The following SH3PXD2A variants were observed in gnomAD, a reference collection of about 807,000 sequenced individuals.
SH3PXD2A encodes the protein SH3 and PX domain-containing protein 2A.
Under a neutral mutation model 115.2 loss-of-function variants are expected in SH3PXD2A, and 32 were observed. The observed-to-expected ratio is 0.28, with a 90% confidence interval of 0.21 to 0.37. The LOEUF (loss-of-function observed/expected upper bound fraction) is 0.37. SH3PXD2A is among the 10% of genes least tolerant of loss of function. The probability of loss-of-function intolerance (pLI) is 1.00; values close to 1 mark genes in which losing one functional copy is unlikely to be tolerated. For synonymous variants in SH3PXD2A, 610 were observed against 629.1 expected (o/e 0.97, Z 0.45); for missense variants, 1,328 against 1,498.7 (o/e 0.89, Z 1.88).
intron 4 of SH3PXD2A, among the ~76,000 whole-genome samples, chr10:103,725,264 G>C (rs2038226831): frequency 6.6e-6 from 1 of 152,214 alleles, no homozygotes; most frequent in Non-Finnish European, 1.5e-5. Context: ...GCCATAGGAG[G>C]TGGGCAGGGG....
intron 1 of SH3PXD2A, among the ~76,000 whole-genome samples, chr10:103,819,478 TG>T (rs2039356085): frequency 6.6e-6 from 1 of 151,634 alleles, no homozygotes; most frequent in Non-Finnish European, 1.5e-5. Flanking sequence ...CAGGGCCAGC[TG>T]GGGTGACTGG....
intron 3 of SH3PXD2A, among the ~76,000 whole-genome samples, chr10:103,749,312 C>G (rs1406312703): frequency 1.3e-5 from 2 of 152,194 alleles, no homozygotes; most frequent in Non-Finnish European, 2.9e-5. Context: ...TCTTGTCCAG[C>G]CTCCTCACCT....
chr10:103,660,210 C>G (rs569004459), intron 8 of SH3PXD2A, among the ~76,000 whole-genome samples: 4 of 152,280 alleles, frequency 2.6e-5, no homozygotes, highest in South Asian at 2.1e-4. Flanking sequence ...GTCCTGGGCT[C>G]GAGTCCCAGC....
Position 103,596,004 on chromosome 10 carries a change from C to A in SH3PXD2A, c.*5812G>T, listed in dbSNP as rs1201879890. ...AGACATGAGACTGCACCAAACAGGG[C>A]TGATGATTTAGCCAGAAACTCAGGA... is the stretch of plus-strand genomic sequence containing the variant. On this transcript the variant is annotated 3_prime_UTR_variant, in exon 15 of 15. Coordinates refer to ENST00000369774, the MANE Select transcript of SH3PXD2A (RefSeq NM_001394015.1). 2 of 152,516 alleles carry A rather than the reference C, an allele frequency of 1.3e-5. No homozygotes were observed. The highest frequency in any genetic ancestry group is 3.9e-4 in the East Asian group (2 of 5,190). 9.4% of individuals were successfully genotyped at this position (152,516 alleles called of 1,614,324 possible).
In SH3PXD2A at chr10:103,605,036, C is replaced by T. The variant is rs2036279285; in HGVS notation, c.1428+762G>A. Among the ~76,000 whole-genome samples, 3 of 152,262 alleles carry T rather than the reference C, an allele frequency of 2.0e-5. No homozygotes were observed. In the South Asian group the frequency reaches 6.2e-4, roughly 32 times the overall value. On this transcript the variant is annotated intron_variant, in intron 14 of 14. Transcript: ENST00000369774. The stretch of plus-strand genomic sequence containing the variant: ...GCCACTCAGAGAATTGACTAAGTTA[C>T]AGCTCTTCTCTGCTGCCGGGAATAC...
chr10:103,714,376 C>A (rs1302228502), intron 5 of SH3PXD2A, among the ~76,000 whole-genome samples: 1 of 152,214 alleles, frequency 6.6e-6, no homozygotes. Context: ...CCACCTTCCT[C>A]CCCACCCTGA....
chr10:103,703,007 C>T (rs929571024), intron 5 of SH3PXD2A, among the ~76,000 whole-genome samples: 8 of 152,186 alleles, frequency 5.3e-5, no homozygotes, highest in East Asian at 1.9e-4. Context: ...CCTCTTGGGT[C>T]GATCCTTGGC....
chr10:103,657,240 T>A (rs940160093), intron 8 of SH3PXD2A, among the ~76,000 whole-genome samples: 4 of 150,720 alleles, frequency 2.7e-5, no homozygotes, highest in African/African-American at 7.4e-5. Flanking sequence ...TTTTGTTGAC[T>A]CATCTCCCCA....
At chr10:103,841,694 G>A (rs189122322) in intron 1 of SH3PXD2A, among the ~76,000 whole-genome samples, 1 of 152,026 alleles carries the variant, frequency 6.6e-6, no homozygotes, top group African/African-American at 2.4e-5. Flanking sequence ...CAGCCACCTC[G>A]GGGCCTTGGC....
chr10:103,607,537 AGCCCCCTGCCCGGCCAGCC>A (rs1487889988), intron 13 of SH3PXD2A, among the ~76,000 whole-genome samples: 1 of 149,346 alleles, frequency 6.7e-6, no homozygotes, highest in Non-Finnish European at 1.5e-5. Flanking sequence ...TGGGGGGGTC[AGCCCCCTGCCCGGCCAGCC>A]GCCCCGTCCG....
intron 7 of SH3PXD2A, among the ~76,000 whole-genome samples, chr10:103,662,352 G>C (rs1241902543): frequency 1.0e-4 from 3 of 29,688 alleles, no homozygotes; most frequent in African/African-American, 1.4e-4. Flanking sequence ...GGGGGGGGGG[G>C]CGGGGGGGGA....
At chr10:103,702,242 G>A (rs1268833778) in intron 5 of SH3PXD2A, among the ~76,000 whole-genome samples, 1 of 152,260 alleles carries the variant, frequency 6.6e-6, no homozygotes, top group Non-Finnish European at 1.5e-5. Flanking sequence ...CCAGTCTTGT[G>A]TATGAAGTAA....
At position 103,603,388 on chromosome 10, in the gene SH3PXD2A, C is replaced by G; in HGVS notation, c.1830G>C (p.Glu610Asp). 1 of 1,614,176 alleles carries G rather than the reference C, an allele frequency of 6.2e-7. No homozygotes were observed. The highest frequency in any genetic ancestry group is 8.5e-7 in the Non-Finnish European group (1 of 1,180,030). ...TGGTCTCCTCTTCCAGGGCCACATC[C>G]TCTGAAGACTCACCCACCTTGAAGC... ...RARFKVGESS[E>D]DVALEEETIY... The change falls in exon 15 of 15, where the codon GAG becomes GAC. Residue 610 changes from glutamate (E) to aspartate (D), a missense_variant. Physicochemically the swap from Glu to Asp is conservative, Grantham distance 45. Around this residue, in one of 5 missense-constraint regions of SH3PXD2A, gnomAD observed 509 missense variants for 628.3 expected, o/e 0.81. Coordinates refer to ENST00000369774, the MANE Select transcript of SH3PXD2A (RefSeq NM_001394015.1).
intron 2 of SH3PXD2A, among the ~76,000 whole-genome samples, chr10:103,797,023 C>T (rs935298104): frequency 2.6e-5 from 4 of 151,914 alleles, no homozygotes; most frequent in South Asian, 2.1e-4. Flanking sequence ...CCACCACACT[C>T]GGCTAATTTT....
chr10:103,602,295 C>T lies in SH3PXD2A; in HGVS notation c.2923G>A (p.Val975Met). The T allele has an allele frequency of 1.9e-6, 3 of 1,613,662 alleles. 1 individual carries two copies. The highest frequency in any genetic ancestry group is 4.5e-5 in the East Asian group (2 of 44,882). ...AACACCGACTGGGGCCTGACCGCCACCTGCCGCACTCCGTTCCTCATCTTC... is the reference window on the plus strand; with the variant it reads ...AACACCGACTGGGGCCTGACCGCCATCTGCCGCACTCCGTTCCTCATCTTC... Reference protein sequence around the residue: ...AVKMRNGVRQVAVRPQSVFVS... With the variant: ...AVKMRNGVRQMAVRPQSVFVS... The change falls in exon 15 of 15, where the codon GTG becomes ATG. Residue 975 changes from valine to methionine, a missense_variant. By Grantham distance (21) the Val-to-Met change is conservative (BLOSUM62 1). Coordinates refer to ENST00000369774, the MANE Select transcript of SH3PXD2A (RefSeq NM_001394015.1).
At chr10:103,635,630 T>C (rs958133768) in intron 8 of SH3PXD2A, among the ~76,000 whole-genome samples, 1 of 152,228 alleles carries the variant, frequency 6.6e-6, no homozygotes, top group African/African-American at 2.4e-5. Context: ...GAAACCTTTA[T>C]TCTGGAGTCT....
chr10:103,695,431 C>T (rs1161393964), intron 5 of SH3PXD2A, among the ~76,000 whole-genome samples: 1 of 151,768 alleles, frequency 6.6e-6, no homozygotes, highest in African/African-American at 2.4e-5. Context: ...TTGCTTGAAG[C>T]CCAGGAGGTC....
intron 1 of SH3PXD2A, among the ~76,000 whole-genome samples, chr10:103,810,630 C>T (rs570843751): frequency 7.9e-5 from 12 of 152,022 alleles, no homozygotes; most frequent in Non-Finnish European, 1.6e-4. Context: ...GGGAGTGTCT[C>T]GTTAAATGTG....
chr10:103,769,600 A>G (rs1350314215), intron 2 of SH3PXD2A, among the ~76,000 whole-genome samples: 1 of 151,522 alleles, frequency 6.6e-6, no homozygotes, highest in Non-Finnish European at 1.5e-5. Context: ...CCTGGCTAAC[A>G]TTTGTATTTT....
Sources: gnomAD v4.1 joint callset for allele counts (sites outside exome capture counted in the v4.1 genomes callset) on GRCh38, gnomAD v4.1.1 for gene constraint, gnomAD v4.1.1 regional missense constraint, MANE v1.5 for transcripts, NCBI Gene and HGNC (gene_info 2026-07-23, HGNC 2026-07-21) for gene names.